Variants in TG observed in about 807,000 individuals in gnomAD.
The protein encoded by TG is thyroid hormones.
TG carries 270 observed loss-of-function variants against 324.7 expected under a neutral mutation model. That is an observed-to-expected ratio of 0.83 (90% confidence interval 0.75 to 0.92). TG has a LOEUF of 0.92. Among genes scored for constraint, TG ranks in the 40% least tolerant of loss-of-function variants. The pLI is 0.00. For synonymous variants in TG, 1,401 were observed against 1,327.0 expected (o/e 1.06, Z -1.21); for missense variants, 3,591 against 3,456.4 (o/e 1.04, Z -0.98).
rs1299503564 is a variant in TG at position 132,897,677 on chromosome 8, T to C, written c.3030T>C (p.Phe1010=). ...STLSFYQRRR[F]SPDDSAGASA... ...TAAGCTTCTATCAGAGACGCCGCTT[T>C]TCCCCGGACGACTCGGCTGGAGCAT... The change falls in exon 12 of 48, where the codon TTT becomes TTC. Residue 1010 remains phenylalanine, a synonymous_variant. Transcript: ENST00000220616. 2 of 1,614,242 alleles carry C rather than the reference T, an allele frequency of 1.2e-6. No individual in the cohort carries two copies. The highest frequency in any genetic ancestry group is 1.7e-6 in the Non-Finnish European group (2 of 1,180,050).
At chr8:133,117,833 C>T (rs1850820232) in intron 45 of TG, among the ~76,000 whole-genome samples, 1 of 152,200 alleles carries the variant, frequency 6.6e-6, no homozygotes, top group South Asian at 2.1e-4. Flanking sequence ...GGTGAAAGGA[C>T]TGCAGCTTTA....
chr8:132,953,997 GA>G (rs35105936), intron 27 of TG, among the ~76,000 whole-genome samples: 45,249 of 144,482 alleles, frequency 0.31, 8,907 homozygotes, highest in African/African-American at 0.56. Flanking sequence ...AAATTTGATA[GA>G]AAAAAAAAAA....
chr8:132,904,786 A>G (rs1362753540), intron 16 of TG, among the ~76,000 whole-genome samples: 1 of 152,236 alleles, frequency 6.6e-6, no homozygotes, highest in Non-Finnish European at 1.5e-5. Context: ...GGTGCAGATC[A>G]TTCCTGTGGG....
chr8:133,056,425 A>G (rs1385529897), intron 41 of TG, among the ~76,000 whole-genome samples: 2 of 152,116 alleles, frequency 1.3e-5, no homozygotes, highest in Non-Finnish European at 2.9e-5. Context: ...GGGTCATTAA[A>G]TCTGGGGGCC....
At position 132,966,649 on chromosome 8, in the gene TG, T is replaced by G; in HGVS notation, c.5638T>G (p.Phe1880Val). The G allele has an allele frequency of 6.2e-7, 1 of 1,614,132 alleles. No homozygotes were observed. Among genetic ancestry groups the G allele is most frequent in the South Asian group, 1.1e-5 (1 of 91,088 alleles). Residue 1880 changes from phenylalanine to valine, a missense_variant, in exon 30 of 48, where the codon TTC becomes GTC. Coordinates refer to ENST00000220616, the MANE Select transcript of TG (RefSeq NM_003235.5). ...ACTATCCAGCCAGAAGCACTGGCTT[T>G]TCAAGCACCTGTTTTCAGCCCAGCA... ...QSLSSQKHWL[F>V]KHLFSAQQAN...
intron 35 of TG, chr8:132,988,654 A>C (rs1033471063): frequency 6.3e-6 from 6 of 956,840 alleles, no homozygotes; most frequent in Non-Finnish European, 1.2e-6. Context: ...TAAACAAGTG[A>C]AATAGTAAAT....
chr8:132,915,541 GCGTA>G (rs1820170832), intron 20 of TG, among the ~76,000 whole-genome samples: 1 of 152,172 alleles, frequency 6.6e-6, no homozygotes, highest in Non-Finnish European at 1.5e-5. Context: ...ACAGGATGGG[GCGTA>G]GGGAAGAGAC....
Position 132,941,401 on chromosome 8 carries a change from C to T in TG, c.5092C>T (p.Gln1698Ter). 1 of 1,614,180 alleles carries T rather than the reference C, an allele frequency of 6.2e-7. No individual in the cohort carries two copies. Among genetic ancestry groups the T allele is most frequent in the Admixed American group, 1.7e-5 (1 of 60,008 alleles). ...GAAACGCTTTGAACCCACTGGTTTC[C>T]AAAACATGCTTTCTGGATTGTACAA... ...LQKRFEPTGF[Q>*]NMLSGLYNPI... The change falls in exon 26 of 48, where the codon CAA (glutamine) becomes TAA (stop). Residue 1698 changes from glutamine to a stop codon, truncating the protein, a stop_gained. Coordinates refer to ENST00000220616, the MANE Select transcript of TG (RefSeq NM_003235.5). LOFTEE classifies it high-confidence loss of function.
chr8:133,013,824 A>G (rs1834761450), intron 37 of TG, 60 bp downstream of exon 37: 8 of 1,567,452 alleles, frequency 5.1e-6, no homozygotes, highest in Non-Finnish European at 6.9e-6. Flanking sequence ...GGAAGGGACT[A>G]TTTAAACACT....
chr8:133,099,317 A>T (rs556971517), intron 43 of TG, among the ~76,000 whole-genome samples: 2 of 152,210 alleles, frequency 1.3e-5, no homozygotes, highest in East Asian at 3.9e-4. Flanking sequence ...TGGGACACGC[A>T]TTAGTGAAGC....
chr8:133,112,068 CTG>C (rs1850290995), intron 43 of TG, among the ~76,000 whole-genome samples: 2 of 150,722 alleles, frequency 1.3e-5, no homozygotes, highest in African/African-American at 2.4e-5. Context: ...CCAAGAGTGG[CTG>C]TGTTCACCCA....
At chr8:133,005,203 G>A (rs1489956608) in intron 35 of TG, among the ~76,000 whole-genome samples, 1 of 152,146 alleles carries the variant, frequency 6.6e-6, no homozygotes, top group Admixed American at 6.5e-5. Context: ...CCAGCCCATG[G>A]CACCGCAGGC....
rs188290806 is a variant in TG at position 133,033,493 on chromosome 8, C to T, written c.7239+3470C>T. ...CATTTCCCTTGCTGTTCTATGACAG[C>T]GCCCCAAGTCTGCATTCCTCAGGGT... On this transcript the variant is annotated intron_variant, in intron 41 of 47. Transcript: ENST00000220616. Among the ~76,000 whole-genome samples the T allele has an allele frequency of 5.9e-5, 9 of 152,274 alleles. 1 individual carries two copies. Among genetic ancestry groups the T allele is most frequent in the African/African-American group, 1.7e-4 (7 of 41,560 alleles).
intron 16 of TG, among the ~76,000 whole-genome samples, chr8:132,905,947 G>C (rs1010079184): frequency 4.6e-5 from 7 of 152,114 alleles, no homozygotes; most frequent in African/African-American, 1.4e-4. Context: ...GATATTCCTG[G>C]AGGCATTGGG....
intron 35 of TG, among the ~76,000 whole-genome samples, chr8:133,009,143 C>T (rs10110664): frequency 0.24 from 35,840 of 152,052 alleles, 4,648 homozygotes; most frequent in African/African-American, 0.32. Flanking sequence ...CAGACATCAA[C>T]CTAAACACAG....
At chr8:132,949,028 T>C in intron 27 of TG, 85 bp downstream of exon 27, 5 of 1,328,986 alleles carry the variant, frequency 3.8e-6, no homozygotes, top group South Asian at 2.4e-5. Context: ...TGAGCCCTCC[T>C]TGTGGCCTGA....
In TG at chr8:133,102,852, G is replaced by A. The variant is rs929413154; in HGVS notation, c.7572+6479G>A. The stretch of plus-strand genomic sequence containing the variant: ...CAGAGCGCCTCCGCTGTGCCCCTAA[G>A]CTTGGCCAGGAGTTGGCCTCGTCTG... On this transcript the variant is annotated intron_variant, in intron 43 of 47. Transcript: ENST00000220616. 13 of 360,372 alleles carry A rather than the reference G, an allele frequency of 3.6e-5. No individual in the cohort carries two copies. In the East Asian group the frequency reaches 3.7e-4, roughly 10 times the overall value. 22.3% of individuals were successfully genotyped at this position (360,372 alleles called of 1,614,324 possible). A position where few individuals can be genotyped will look rare whatever the true frequency, so the allele number is the denominator to read the frequency against.
chr8:132,999,221 A>C (rs1833200548), intron 35 of TG, among the ~76,000 whole-genome samples: 1 of 152,168 alleles, frequency 6.6e-6, no homozygotes, highest in South Asian at 2.1e-4. Flanking sequence ...AGAAAGGCCA[A>C]GATGGTGCAG....
At chr8:132,894,476 T>C (rs538127358) in intron 11 of TG, among the ~76,000 whole-genome samples, 35 of 151,942 alleles carry the variant, frequency 2.3e-4, no homozygotes, top group Non-Finnish European at 4.0e-4. Flanking sequence ...TTTTTTTTTT[T>C]GAGACGGAGT....
Sources: gnomAD v4.1 joint callset for allele counts (sites outside exome capture counted in the v4.1 genomes callset) on GRCh38, gnomAD v4.1.1 for gene constraint, MANE v1.5 for transcripts, NCBI Gene and HGNC (gene_info 2026-07-23, HGNC 2026-07-21) for gene names.